DNAI3: variants seen among roughly 807,000 people sequenced by gnomAD.
DNAI3 encodes dynein axonemal intermediate chain 3, also known as WD repeat domain 63.
DNAI3 carries 83 observed loss-of-function variants against 115.5 expected under a neutral mutation model. That is an observed-to-expected ratio of 0.72 (90% CI 0.60 to 0.86). DNAI3 has a LOEUF of 0.86. Among genes scored for constraint, DNAI3 ranks in the 40% least tolerant of loss-of-function variants. The pLI, the probability that DNAI3 is intolerant of heterozygous loss-of-function variation, is 0.00. For synonymous variants in DNAI3, 320 were observed against 347.0 expected, an observed-to-expected ratio of 0.92 and a Z score of 0.86; for missense variants, 1,004 against 1,075.8, an observed-to-expected ratio of 0.93 and a Z score of 0.93.
intron 19 of DNAI3, 63 bp from the exon 20 acceptor site, chr1:85,126,448 G>A: frequency 4.6e-6 from 7 of 1,508,504 alleles, no homozygotes; most frequent in Middle Eastern, 1.8e-4. Context: ...GAACAGCATG[G>A]TGAATTTCCC....
At chr1:85,083,626 T>G (rs1040988951) in intron 5 of DNAI3, among the ~76,000 whole-genome samples, 7 of 152,042 alleles carry the variant, frequency 4.6e-5, no homozygotes, top group Admixed American at 1.3e-4. Flanking sequence ...TTTTAAATGT[T>G]TAGAAAAAAC....
chr1:85,132,846 C>A lies in DNAI3; in HGVS notation c.2533-9C>A, dbSNP rs1259998637. The A allele has an allele frequency of 9.0e-6, 13 of 1,447,768 alleles. No individual in the cohort carries two copies. The highest frequency in any genetic ancestry group is 1.2e-5 in the Non-Finnish European group (13 of 1,102,712). The allele number at this position is 1,447,768 out of a possible 1,614,324, so 89.7% of individuals were successfully genotyped here. ...TTATAGGGATGTCTTGTTTTTCTTC[C>A]CCCCCCAGAAAACATATCAGAAGTC... is the stretch of plus-strand genomic sequence containing the variant. On this transcript the variant is annotated splice_polypyrimidine_tract_variant and intron_variant, in intron 22 of 22. Coordinates refer to ENST00000294664, the MANE Select transcript of DNAI3 (RefSeq NM_145172.5).
At chr1:85,078,868 G>C (rs1218917724) in intron 3 of DNAI3, among the ~76,000 whole-genome samples, 1 of 152,232 alleles carries the variant, frequency 6.6e-6, no homozygotes, top group African/African-American at 2.4e-5. Context: ...TCCTATATTA[G>C]AGTTGCCTTG....
intron 1 of DNAI3, 83 bp from the exon 2 acceptor site, chr1:85,071,845 T>C (rs954178820): frequency 1.6e-6 from 2 of 1,289,656 alleles, no homozygotes; most frequent in Non-Finnish European, 2.2e-6. Context: ...CTTATGTTTA[T>C]TAAATGATAA....
At chr1:85,073,903 G>A (rs1488368278) in intron 3 of DNAI3, among the ~76,000 whole-genome samples, 1 of 152,132 alleles carries the variant, frequency 6.6e-6, no homozygotes, top group Non-Finnish European at 1.5e-5. Flanking sequence ...GCAGTAGAGG[G>A]GGCAGAGGTG....
rs182391545 is a variant in DNAI3 at position 85,077,205 on chromosome 1, G to A, written c.104-4029G>A. Reference sequence around the variant, plus strand: ...TCAAAGATGCAAAGATAATTCAGTGGAGAAGGGATAGTCTTTTCAACAAAT... The same window carrying A: ...TCAAAGATGCAAAGATAATTCAGTGAAGAAGGGATAGTCTTTTCAACAAAT... On this transcript the variant is annotated intron_variant, in intron 3 of 22. Transcript: ENST00000294664. Among the ~76,000 whole-genome samples, 431 of 152,292 alleles carry A rather than the reference G, an allele frequency of 2.8e-3. 2 individuals are homozygous for A. The highest frequency in any genetic ancestry group is 0.01 in the African/African-American group (418 of 41,566).
intron 19 of DNAI3, among the ~76,000 whole-genome samples, chr1:85,124,456 A>G (rs574956042): frequency 9.8e-5 from 15 of 152,326 alleles, no homozygotes; most frequent in African/African-American, 3.6e-4. Context: ...CTGAGGGGAG[A>G]AAACAGTTTA....
At chr1:85,132,809 G>T (rs1364445786) in intron 22 of DNAI3, 46 bp from the exon 23 acceptor site, 36 of 1,593,548 alleles carry the variant, frequency 2.3e-5, no homozygotes, top group Non-Finnish European at 3.1e-5. Flanking sequence ...GGTATTTTTA[G>T]ATATCAGTGT....
rs372857138 is a variant in DNAI3, at chr1:85,108,865, CA to C, written c.1698+690del. On this transcript the variant is annotated intron_variant, in intron 15 of 22. Coordinates refer to ENST00000294664, the MANE Select transcript of DNAI3 (RefSeq NM_145172.5). ...TCAAGATTGATATTTCATGTATAAA[CA>C]AGCCACAATTTCCAAATGGTGTGTG... Among the ~76,000 whole-genome samples, 687 of 152,262 alleles carry C rather than the reference CA, an allele frequency of 4.5e-3. 7 individuals carry two copies. The highest frequency in any genetic ancestry group is 0.016 in the African/African-American group (667 of 41,558).
At chr1:85,104,082 A>G (rs1655411183) in intron 13 of DNAI3, among the ~76,000 whole-genome samples, 2 of 151,154 alleles carry the variant, frequency 1.3e-5, no homozygotes, top group Admixed American at 1.3e-4. Context: ...TTAATTTTAA[A>G]CCTTCTGTTT....
chr1:85,100,687 G>A (rs1399018785), intron 13 of DNAI3, among the ~76,000 whole-genome samples: 6 of 151,976 alleles, frequency 3.9e-5, no homozygotes, highest in East Asian at 1.9e-4. Context: ...TGTTTATTGC[G>A]GCACTATTCA....
chr1:85,096,487 ATATATAAAGAT>A (rs1435841604), intron 11 of DNAI3, among the ~76,000 whole-genome samples: 27 of 144,806 alleles, frequency 1.9e-4, no homozygotes, highest in Admixed American at 4.9e-4. Flanking sequence ...GATTATATAT[ATATATAAAGAT>A]TATATATAAA....
At chr1:85,122,764 T>A (rs529740467) in intron 18 of DNAI3, among the ~76,000 whole-genome samples, 31 of 152,212 alleles carry the variant, frequency 2.0e-4, no homozygotes, top group African/African-American at 7.2e-4. Context: ...ATGATAAAAT[T>A]CAGAAAACAT....
At chr1:85,108,320 C>T in intron 15 of DNAI3, 143 bp downstream of exon 15, 1 of 874,176 alleles carries the variant, frequency 1.1e-6, no homozygotes, top group Non-Finnish European at 1.6e-6. Flanking sequence ...TTTATTCAAC[C>T]AATAAATTCC....
chr1:85,103,879 G>C (rs1422842582), intron 13 of DNAI3, among the ~76,000 whole-genome samples: 2 of 129,066 alleles, frequency 1.5e-5, no homozygotes, highest in African/African-American at 5.7e-5. Context: ...AGAATGAGAT[G>C]CCTTCTCAAA....
intron 6 of DNAI3, 89 bp from the exon 7 acceptor site, chr1:85,085,741 AG>A: frequency 1.9e-6 from 2 of 1,061,594 alleles, no homozygotes; most frequent in African/African-American, 3.2e-5. Flanking sequence ...AAGTGCACAA[AG>A]GGCTCTGAGT....
chr1:85,080,811 C>A (rs1052265654), intron 3 of DNAI3, among the ~76,000 whole-genome samples: 2 of 152,154 alleles, frequency 1.3e-5, no homozygotes, highest in African/African-American at 4.8e-5. Flanking sequence ...AATTAGAATG[C>A]TTACCAATAC....
chr1:85,066,013 C>T (rs1292753529), intron 1 of DNAI3, among the ~76,000 whole-genome samples: 2 of 152,178 alleles, frequency 1.3e-5, no homozygotes, highest in African/African-American at 4.8e-5. Flanking sequence ...TTACCCAATA[C>T]ACACTTTTGT....
intron 22 of DNAI3, among the ~76,000 whole-genome samples, chr1:85,131,256 C>G (rs576891186): frequency 2.7e-4 from 41 of 151,996 alleles, no homozygotes; most frequent in Non-Finnish European, 3.2e-4. Context: ...ACCAGCTTGA[C>G]CCACATGGAG....
Sources: gnomAD v4.1 joint callset for allele counts (sites outside exome capture counted in the v4.1 genomes callset) on GRCh38, gnomAD v4.1.1 for gene constraint, MANE v1.5 for transcripts, NCBI Gene and HGNC (gene_info 2026-07-23, HGNC 2026-07-21) for gene names.